GLIS3: variants seen among roughly 807,000 people sequenced by gnomAD.
The protein encoded by GLIS3 is zinc finger protein GLIS3.
A neutral mutation model predicts 78.6 loss-of-function variants in GLIS3; 53 were observed. The ratio of observed to expected loss-of-function variants is 0.67; its 90% confidence interval spans 0.54 to 0.85. GLIS3 has a LOEUF of 0.85. Among genes scored for constraint, GLIS3 ranks in the 40% least tolerant of loss-of-function variants. The pLI, the probability that GLIS3 is intolerant of heterozygous loss-of-function variation, is 0.00. For synonymous variants in GLIS3, 684 were observed against 509.9 expected (o/e 1.34, Z -4.60); for missense variants, 1,703 against 1,231.1 (o/e 1.38, Z -5.74).
At chr9:4,321,538 C>G (rs887232121) in intron 2 of GLIS3, among the ~76,000 whole-genome samples, 1 of 142,432 alleles carries the variant, frequency 7.0e-6, no homozygotes, top group African/African-American at 2.5e-5. Context: ...GCATGGTCTT[C>G]TCTATTTACG....
intron 9 of GLIS3, among the ~76,000 whole-genome samples, chr9:3,839,661 C>G (rs893958672): frequency 1.3e-5 from 2 of 151,832 alleles, no homozygotes; most frequent in Admixed American, 6.6e-5. Flanking sequence ...AGAACCAGGA[C>G]TCAAATTTTT....
chr9:4,240,095 T>G (rs776751832), intron 2 of GLIS3, among the ~76,000 whole-genome samples: 6 of 151,436 alleles, frequency 4.0e-5, no homozygotes, highest in Non-Finnish European at 7.4e-5. Flanking sequence ...TATTTTATCC[T>G]TCTTACAATT....
chr9:4,371,364 T>C, the GLIS3 span, among the ~76,000 whole-genome samples: 1 of 152,202 alleles, frequency 6.6e-6, no homozygotes, highest in African/African-American at 2.4e-5. Context: ...CTTCTTCCAC[T>C]GGATATGACC....
chr9:3,845,947 A>G (rs373705019), intron 9 of GLIS3, among the ~76,000 whole-genome samples: 2 of 152,342 alleles, frequency 1.3e-5, no homozygotes, highest in East Asian at 1.9e-4. Context: ...TGGGCACCAC[A>G]GTGATTTAGA....
chr9:4,337,461 C>T (rs934123647), intron 2 of GLIS3, among the ~76,000 whole-genome samples: 3 of 152,096 alleles, frequency 2.0e-5, no homozygotes, highest in African/African-American at 7.2e-5. Flanking sequence ...TATTTTCATA[C>T]TTTTGATTTA....
At chr9:4,141,052 G>A (rs538331867) in intron 2 of GLIS3, among the ~76,000 whole-genome samples, 1 of 152,082 alleles carries the variant, frequency 6.6e-6, no homozygotes, top group Non-Finnish European at 1.5e-5. Flanking sequence ...CACCCTCCTC[G>A]TCCTCCCAAA....
intron 6 of GLIS3, among the ~76,000 whole-genome samples, chr9:3,917,256 T>C (rs1200792461): frequency 6.6e-6 from 1 of 152,314 alleles, no homozygotes; most frequent in East Asian, 1.9e-4. Context: ...GGTACCAGCA[T>C]GTCATAGGAG....
At chr9:3,990,367 T>G (rs1200468560) in intron 4 of GLIS3, among the ~76,000 whole-genome samples, 2 of 152,182 alleles carry the variant, frequency 1.3e-5, no homozygotes, top group African/African-American at 2.4e-5. Context: ...AGGTCTTAAG[T>G]TGCACACGGC....
intron 8 of GLIS3, among the ~76,000 whole-genome samples, chr9:3,865,533 A>G (rs1820519529): frequency 6.6e-6 from 1 of 152,264 alleles, no homozygotes; most frequent in Non-Finnish European, 1.5e-5. Context: ...GCATATGACA[A>G]GAACATACTA....
At chr9:4,064,693 C>G (rs1283543414) in intron 4 of GLIS3, among the ~76,000 whole-genome samples, 2 of 152,132 alleles carry the variant, frequency 1.3e-5, no homozygotes, top group Admixed American at 6.6e-5. Context: ...ACTTGGAAGG[C>G]TGAGGCAGGA....
At chr9:4,411,842 C>G in the GLIS3 span, among the ~76,000 whole-genome samples, 12 of 152,184 alleles carry the variant, frequency 7.9e-5, no homozygotes, top group African/African-American at 2.9e-4. Context: ...TGTGTTCTCT[C>G]AAAGTCAGAG....
At chr9:4,079,230 C>T (rs1481515777) in intron 4 of GLIS3, among the ~76,000 whole-genome samples, 1 of 152,134 alleles carries the variant, frequency 6.6e-6, no homozygotes, top group Non-Finnish European at 1.5e-5. Flanking sequence ...TGCACATACT[C>T]AACAATAGTC....
At chr9:4,350,957 C>G (rs1817963408), upstream of GLIS3, among the ~76,000 whole-genome samples, 1 of 152,178 alleles carries the variant, frequency 6.6e-6, no homozygotes, top group Non-Finnish European at 1.5e-5. Flanking sequence ...ATTTGTGGCT[C>G]TTCTAAGCCT....
At chr9:4,227,587 G>C (rs900413287) in intron 2 of GLIS3, among the ~76,000 whole-genome samples, 4 of 152,108 alleles carry the variant, frequency 2.6e-5, no homozygotes, top group African/African-American at 9.7e-5. Context: ...TTGAATCCTG[G>C]AAAAGCCAGT....
Position 4,217,774 on chromosome 9 carries a change from G to A in GLIS3, c.388+68264C>T, listed in dbSNP as rs540400212. Among the ~76,000 whole-genome samples, 39 of 152,264 alleles carry A rather than the reference G, an allele frequency of 2.6e-4. 1 individual carries two copies. Among genetic ancestry groups the A allele is most frequent in the Middle Eastern group, 3.4e-3 (1 of 294 alleles). On this transcript the variant is annotated intron_variant, in intron 2 of 10. Coordinates refer to ENST00000381971, the MANE Select transcript of GLIS3 (RefSeq NM_001042413.2). ...ACTCCTCATTTTCAGGTCACTTTCA[G>A]CTGGCATCCCAAATCACAATTCAAA...
At chr9:4,398,017 T>C in the GLIS3 span, among the ~76,000 whole-genome samples, 1 of 152,088 alleles carries the variant, frequency 6.6e-6, no homozygotes, top group African/African-American at 2.4e-5. Context: ...GCCCCTCTCA[T>C]TCTGATGCAG....
chr9:4,058,302 A>C (rs1563996199), intron 4 of GLIS3, among the ~76,000 whole-genome samples: 1 of 151,994 alleles, frequency 6.6e-6, no homozygotes, highest in Admixed American at 6.5e-5. Context: ...CCACACATAC[A>C]CAATAAGGCA....
intron 2 of GLIS3, among the ~76,000 whole-genome samples, chr9:4,257,579 G>GTTT (rs1275082522): frequency 6.1e-5 from 3 of 49,248 alleles, no homozygotes; most frequent in Non-Finnish European, 1.5e-4. Context: ...TGTTGTTGTT[G>GTTT]TTGTTATTTT....
At chr9:4,159,655 G>T (rs554106071) in intron 2 of GLIS3, among the ~76,000 whole-genome samples, 1 of 151,922 alleles carries the variant, frequency 6.6e-6, no homozygotes, top group African/African-American at 2.4e-5. Flanking sequence ...GGAGGCAGAG[G>T]TTGCAGTGAG....
Sources: gnomAD v4.1 joint callset for allele counts (sites outside exome capture counted in the v4.1 genomes callset) on GRCh38, gnomAD v4.1.1 for gene constraint, MANE v1.5 for transcripts, NCBI Gene and HGNC (gene_info 2026-07-23, HGNC 2026-07-21) for gene names.